Variants in DAAM2 observed in about 807,000 individuals in gnomAD.
DAAM2 encodes disheveled-associated activator of morphogenesis 2.
In DAAM2, 39 loss-of-function variants were observed where a neutral mutation model predicts 120.7. The ratio of observed to expected loss-of-function variants is 0.32; its 90% CI spans 0.25 to 0.42. The LOEUF (loss-of-function observed/expected upper bound fraction) is 0.42, where lower values mean the gene tolerates loss of function less well. DAAM2 is among the 10% of genes least tolerant of loss of function. DAAM2 has a pLI of 1.00. For missense variants in DAAM2, 1,283 were observed against 1,401.7 expected, an observed-to-expected ratio of 0.92 and a Z score of 1.35; for synonymous variants, 488 against 524.9, an observed-to-expected ratio of 0.93 and a Z score of 0.96.
chr6:39,901,826 G>C lies in DAAM2; in HGVS notation c.2996G>C (p.Arg999Thr), dbSNP rs750209981. 1 of 1,549,608 alleles carries C rather than the reference G, an allele frequency of 6.5e-7. No individual in the cohort carries two copies. Among genetic ancestry groups the C allele is most frequent in the Non-Finnish European group, 8.7e-7 (1 of 1,145,498 alleles). Residue 999 changes from arginine to threonine, a missense_variant, in exon 25 of 25, where the codon AGG becomes ACG. Physicochemically the swap from Arg to Thr is moderately conservative, Grantham distance 71. Transcript: ENST00000274867. The surrounding 1 kb of genome is among the most constrained non-coding windows in gnomAD (Gnocchi z 4.5). ...ARMEAMLKEQ[R>T]ERERWQRQRK... ...CCCCGCCCGCAGCTGAAGGAGCAGA[G>C]GGAACGTGAGCGGTGGCAGCGGCAG... is the stretch of plus-strand genomic sequence containing the variant.
chr6:39,862,014 G>A (rs1181920587), intron 3 of DAAM2: 4 of 152,268 alleles, frequency 2.6e-5, no homozygotes, highest in African/African-American at 7.2e-5. Context: ...GACTGACCTT[G>A]TAACATTGGA....
intron 15 of DAAM2, chr6:39,886,186 G>T (rs3008807): frequency 0.58 from 220,428 of 381,772 alleles, 64,762 homozygotes; most frequent in East Asian, 0.73. Context: ...GCAGATGGGA[G>T]GAGCTGCCTG....
chr6:39,874,704 TC>T (rs1456318262), intron 10 of DAAM2, among the ~76,000 whole-genome samples: 1 of 152,214 alleles, frequency 6.6e-6, no homozygotes, highest in Non-Finnish European at 1.5e-5. Context: ...GAAGTCCATG[TC>T]CAGCCAGATG....
At position 39,878,056 on chromosome 6, in the gene DAAM2, G is replaced by A; in HGVS notation, c.1302-147G>A. ...GGGCAGGGGACCTGGAGAGACACCT[G>A]GGAAGTCTAAATCCTAGCCCCCTTG... is the stretch of plus-strand genomic sequence containing the variant. On this transcript the variant is annotated intron_variant, in intron 11 of 24. Transcript: ENST00000274867. The surrounding 1 kb of genome is among the most constrained non-coding windows in gnomAD (Gnocchi z 5.0). The A allele has an allele frequency of 1.3e-6, 1 of 752,700 alleles. No homozygotes were observed. The highest frequency in any genetic ancestry group is 2.2e-6 in the Non-Finnish European group (1 of 463,168). 46.6% of individuals were successfully genotyped at this position (752,700 alleles called of 1,614,324 possible).
At chr6:39,875,281 A>G (rs754710870) in intron 10 of DAAM2, 49 bp from the exon 11 acceptor site, 10 of 1,590,082 alleles carry the variant, frequency 6.3e-6, no homozygotes, top group Non-Finnish European at 8.6e-6. Flanking sequence ...GGTGGGGCCC[A>G]AGGGGGACTT....
chr6:39,845,612 CAG>C (rs1244339688), intron 1 of DAAM2, among the ~76,000 whole-genome samples: 2 of 151,980 alleles, frequency 1.3e-5, no homozygotes, highest in South Asian at 2.1e-4. Flanking sequence ...CCGCTTCACC[CAG>C]AGAGTCAAAG....
chr6:39,895,957 C>T (rs908487226), intron 19 of DAAM2, among the ~76,000 whole-genome samples: 10 of 152,136 alleles, frequency 6.6e-5, no homozygotes, highest in Non-Finnish European at 1.2e-4. Context: ...AAATCTTAGA[C>T]ACTATCAACT....
chr6:39,857,796 T>C (rs971934153), intron 2 of DAAM2, among the ~76,000 whole-genome samples: 5 of 152,150 alleles, frequency 3.3e-5, no homozygotes, highest in African/African-American at 1.2e-4. Context: ...ACAATATTTC[T>C]TGGAGAGACT....
chr6:39,813,167 CGTGTGTGTGTGT>C (rs1359434505), intron 1 of DAAM2, among the ~76,000 whole-genome samples: 5 of 149,520 alleles, frequency 3.3e-5, no homozygotes, highest in Non-Finnish European at 5.9e-5. Flanking sequence ...TGTGTGTGTG[CGTGTGTGTGTGT>C]ATGTATGTGT....
At chr6:39,818,177 T>A (rs1156990157) in intron 1 of DAAM2, among the ~76,000 whole-genome samples, 1 of 109,292 alleles carries the variant, frequency 9.1e-6, no homozygotes, top group Non-Finnish European at 1.7e-5. Context: ...AAACTGCATC[T>A]CAATTAAAAA....
chr6:39,904,010 G>T lies in DAAM2; in HGVS notation c.*1973G>T. On this transcript the variant is annotated 3_prime_UTR_variant, in exon 25 of 25. Transcript: ENST00000274867. ...TGTTGGGGAAGATGGGAGGTTGTGG[G>T]TGAGGCCTCTAAAGGTCCTCTCCCA... The T allele has an allele frequency of 5.6e-6, 2 of 358,474 alleles. No homozygotes were observed. Among genetic ancestry groups the T allele is most frequent in the South Asian group, 4.3e-5 (2 of 46,088 alleles). The allele number at this position is 358,474 out of a possible 1,614,324, so 22.2% of individuals were successfully genotyped here.
chr6:39,894,887 G>A (rs1387274666), intron 19 of DAAM2, among the ~76,000 whole-genome samples: 1 of 152,242 alleles, frequency 6.6e-6, no homozygotes, highest in South Asian at 2.1e-4. Flanking sequence ...CCAAAGTGCT[G>A]GGATTGTAGG....
At chr6:39,887,067 T>A (rs1162445500) in intron 15 of DAAM2, 1 of 164,468 alleles carries the variant, frequency 6.1e-6, no homozygotes, top group Non-Finnish European at 1.3e-5. Flanking sequence ...AGCATAAGCC[T>A]GAGGAGGGCC....
chr6:39,808,347 G>T (rs1449024132), intron 1 of DAAM2, among the ~76,000 whole-genome samples: 2 of 152,136 alleles, frequency 1.3e-5, no homozygotes, highest in Admixed American at 1.3e-4. Context: ...CTGTCCTTTT[G>T]ATAAGGACAT....
chr6:39,842,406 A>G (rs966224709), intron 1 of DAAM2, among the ~76,000 whole-genome samples: 1 of 152,162 alleles, frequency 6.6e-6, no homozygotes, highest in African/African-American at 2.4e-5. Flanking sequence ...CCAAGGCAGG[A>G]AGATCTCTTG....
At chr6:39,900,254 AAAC>A in intron 23 of DAAM2, 46 bp downstream of exon 23, 1 of 1,594,122 alleles carries the variant, frequency 6.3e-7, no homozygotes, top group Admixed American at 1.7e-5. Context: ...AGCCTTATCT[AAAC>A]AAGCTCCTTC....
At position 39,887,368 on chromosome 6, in the gene DAAM2, C is replaced by T. The variant is rs1765438284; in HGVS notation, c.1954-118C>T. On this transcript the variant is annotated intron_variant, in intron 15 of 24. Coordinates refer to ENST00000274867, the MANE Select transcript of DAAM2 (RefSeq NM_001201427.2). ...TCCTCTCTCTCCTGTCTTTTTCTTC[C>T]CCCTTCCCCTCACACCAGGAGCATT... 2.6e-5 allele frequency: 17 copies of T among 659,270 alleles called. 1 individual carries two copies. In the South Asian group the frequency reaches 3.0e-4, roughly 12 times the overall value. 40.8% of individuals were successfully genotyped at this position (659,270 alleles called of 1,614,324 possible). A position where few individuals can be genotyped will look rare whatever the true frequency, so the allele number is the denominator to read the frequency against.
In DAAM2 at chr6:39,901,709, A is replaced by C; in HGVS notation, c.2983-104A>C. ...GAAAGTGGGGCCAACAGATACAGGC[A>C]GGCAGCATGACCATGGCCTAGGAGT... is the stretch of plus-strand genomic sequence containing the variant. On this transcript the variant is annotated intron_variant, in intron 24 of 24. Transcript: ENST00000274867. This position sits in a 1 kb window ranked among gnomAD's most constrained non-coding sequence, Gnocchi z 4.5. 1.8e-6 allele frequency: 2 copies of C among 1,134,994 alleles called. No homozygotes were observed. Among genetic ancestry groups the C allele is most frequent in the Non-Finnish European group, 2.4e-6 (2 of 823,850 alleles). 70.3% of individuals were successfully genotyped at this position (1,134,994 alleles called of 1,614,324 possible). A position where few individuals can be genotyped will look rare whatever the true frequency, so the allele number is the denominator to read the frequency against.
chr6:39,860,872 A>G, intron 2 of DAAM2, 56 bp from the exon 3 acceptor site: 1 of 1,387,438 alleles, frequency 7.2e-7, no homozygotes, highest in East Asian at 2.4e-5. Context: ...AGGGCTGACT[A>G]TTCTAATCTC....
Sources: gnomAD v4.1 joint callset for allele counts (sites outside exome capture counted in the v4.1 genomes callset) on GRCh38, gnomAD v4.1.1 for gene constraint, Gnocchi (gnomAD v3.1) non-coding constraint, MANE v1.5 for transcripts, NCBI Gene and HGNC (gene_info 2026-07-23, HGNC 2026-07-21) for gene names.